Variants in EIF2B3 observed in about 807,000 individuals in gnomAD.
EIF2B3 encodes eukaryotic translation initiation factor 2B subunit gamma, also known as translation initiation factor eIF2B subunit gamma.
In EIF2B3, 20 loss-of-function variants were observed where a neutral mutation model predicts 54.1. That is an observed-to-expected ratio of 0.37 (90% CI 0.26 to 0.54). The LOEUF is 0.54. Ranked by LOEUF, EIF2B3 falls within the 20% of genes least tolerant of loss-of-function variation. The pLI, the probability that EIF2B3 is intolerant of heterozygous loss-of-function variation, is 0.86. For synonymous variants in EIF2B3, 153 were observed against 188.1 expected (o/e 0.81, Z 1.52); for missense variants, 448 against 547.8 (o/e 0.82, Z 1.82).
intron 10 of EIF2B3, among the ~76,000 whole-genome samples, chr1:44,867,143 A>T (rs1573688182): frequency 6.6e-6 from 1 of 152,034 alleles, no homozygotes; most frequent in Non-Finnish European, 1.5e-5. Flanking sequence ...CTAGGTGAGA[A>T]CCTGGCTTTC....
rs1370645199 is a variant in EIF2B3, at chr1:44,944,574, CTTGAGGCCAGGAGT to C, written c.295-2923_295-2910del. ...TCTGGAGGCTGAGGCAGGAGCATCA[CTTGAGGCCAGGAGT>C]TTGAGGCCAGCCTGAACAACACAGT... On this transcript the variant is annotated intron_variant, in intron 3 of 11. Coordinates refer to ENST00000360403, the MANE Select transcript of EIF2B3 (RefSeq NM_020365.5). Among the ~76,000 whole-genome samples the C allele has an allele frequency of 5.3e-5, 8 of 151,890 alleles. No individual in the cohort carries two copies. In the South Asian group the frequency reaches 1.7e-3, roughly 32 times the overall value.
chr1:44,854,589 C>CTT lies in EIF2B3; in HGVS notation c.1306+3113_1306+3114dup, dbSNP rs34735930. Among the ~76,000 whole-genome samples, 81 of 136,722 alleles carry CTT rather than the reference C, an allele frequency of 5.9e-4. 1 individual carries two copies. Among genetic ancestry groups the CTT allele is most frequent in the African/African-American group, 9.8e-4 (36 of 36,694 alleles). The allele number at this position is 136,722 out of a possible 152,430, so 89.7% of individuals were successfully genotyped here. A position where few individuals can be genotyped will look rare whatever the true frequency, so the allele number is the denominator to read the frequency against. Reference sequence around the variant, plus strand: ...ATTTGGAGAGGAGACTGCATTATGTCTTTTTTTTTTTTTTTGAGATGGAGT... The same window carrying CTT: ...ATTTGGAGAGGAGACTGCATTATGTCTTTTTTTTTTTTTTTTTGAGATGGAGT... On this transcript the variant is annotated intron_variant, in intron 11 of 11. Transcript: ENST00000360403.
rs1398196447 is a variant in EIF2B3 at position 44,872,599 on chromosome 1, A to G, written c.1202+2079T>C. 3.3e-5 allele frequency among the ~76,000 whole-genome samples: 5 copies of G among 152,078 alleles called. No individual in the cohort carries two copies. In the East Asian group the frequency reaches 9.7e-4, roughly 30 times the overall value. ...CAGGAGTTTGAGGTTGTAGTGAGCT[A>G]TGATCATGCCACTGTACTCCAGCCT... is the stretch of plus-strand genomic sequence containing the variant. On this transcript the variant is annotated intron_variant, in intron 10 of 11. Transcript: ENST00000360403.
At chr1:44,863,034 G>T (rs911431093) in intron 10 of EIF2B3, 1 of 152,326 alleles carries the variant, frequency 6.6e-6, no homozygotes, top group African/African-American at 2.4e-5. Flanking sequence ...ACTGTATCAC[G>T]GGCTCCTGCT....
At chr1:44,972,561 C>T (rs947181894) in intron 3 of EIF2B3, 1 of 150,070 alleles carries the variant, frequency 6.7e-6, no homozygotes, top group Non-Finnish European at 1.5e-5. Flanking sequence ...GAGATCACGC[C>T]ATTGCACTCC....
chr1:44,902,829 T>TAAAAAAAAAAAA (rs11458839), intron 5 of EIF2B3, among the ~76,000 whole-genome samples: 1 of 85,462 alleles, frequency 1.2e-5, no homozygotes, highest in Non-Finnish European at 2.3e-5. Context: ...ACTCTTTCTT[T>TAAAAAAAAAAAA]AAAAAAAAAA....
chr1:44,875,931 C>T (rs559697660), intron 8 of EIF2B3, among the ~76,000 whole-genome samples: 7 of 152,348 alleles, frequency 4.6e-5, no homozygotes, highest in East Asian at 3.9e-4. Flanking sequence ...ATTGCAGGCG[C>T]GCGCCGCCAC....
intron 3 of EIF2B3, among the ~76,000 whole-genome samples, chr1:44,947,912 G>T (rs1195375384): frequency 6.6e-6 from 1 of 151,548 alleles, no homozygotes; most frequent in Non-Finnish European, 1.5e-5. Context: ...TCCCTATATT[G>T]CCCAGGCTGG....
At chr1:44,981,744 T>C (rs1457111264) in intron 1 of EIF2B3, among the ~76,000 whole-genome samples, 1 of 152,006 alleles carries the variant, frequency 6.6e-6, no homozygotes, top group Non-Finnish European at 1.5e-5. Context: ...GAGACCAGCC[T>C]GGGCAACATG....
In EIF2B3 at chr1:44,880,014, G is replaced by A; in HGVS notation, c.785-6C>T. The A allele has an allele frequency of 1.9e-6, 3 of 1,613,950 alleles. No homozygotes were observed. Among genetic ancestry groups the A allele is most frequent in the Non-Finnish European group, 2.5e-6 (3 of 1,179,888 alleles). The stretch of plus-strand genomic sequence containing the variant: ...TTTTATAAAACTGTAGATATCTTCA[G>A]AACAAACACCCAACCAAGGAAATAA... On this transcript the variant is annotated splice_region_variant and splice_polypyrimidine_tract_variant and intron_variant, in intron 7 of 11. Coordinates refer to ENST00000360403, the MANE Select transcript of EIF2B3 (RefSeq NM_020365.5).
chr1:44,897,262 TG>T, intron 6 of EIF2B3, 92 bp downstream of exon 6: 1 of 897,168 alleles, frequency 1.1e-6, no homozygotes, highest in Non-Finnish European at 1.8e-6. Context: ...TTTTAGAAAC[TG>T]GTTATCTAAA....
chr1:44,936,300 C>T (rs1309668961), intron 4 of EIF2B3, among the ~76,000 whole-genome samples: 2 of 151,800 alleles, frequency 1.3e-5, no homozygotes, highest in East Asian at 3.9e-4. Flanking sequence ...TACATGTGGG[C>T]TGGGCGCAGT....
intron 9 of EIF2B3, among the ~76,000 whole-genome samples, 159 bp from the exon 10 acceptor site, chr1:44,874,985 C>G (rs1174097374): frequency 1.3e-5 from 2 of 152,240 alleles, no homozygotes. Context: ...GGTCATACAA[C>G]ACCTCTGAGA....
intron 10 of EIF2B3, among the ~76,000 whole-genome samples, chr1:44,873,481 T>C (rs930355233): frequency 6.6e-6 from 1 of 152,172 alleles, no homozygotes; most frequent in South Asian, 2.1e-4. Flanking sequence ...ATCCTTTCAA[T>C]AGAGTTATAG....
At chr1:44,934,329 C>A (rs1353447662) in intron 4 of EIF2B3, among the ~76,000 whole-genome samples, 1 of 151,488 alleles carries the variant, frequency 6.6e-6, no homozygotes, top group African/African-American at 2.4e-5. Flanking sequence ...ACTCGGAGGG[C>A]AGAGGTTGCA....
intron 4 of EIF2B3, among the ~76,000 whole-genome samples, chr1:44,932,709 T>G (rs1643908247): frequency 6.6e-6 from 1 of 151,982 alleles, no homozygotes; most frequent in African/African-American, 2.4e-5. Context: ...GATGTTGGAC[T>G]TCTTAAAAGA....
At chr1:44,960,500 G>A (rs1237634876) in intron 3 of EIF2B3, among the ~76,000 whole-genome samples, 2 of 152,002 alleles carry the variant, frequency 1.3e-5, no homozygotes, top group Non-Finnish European at 2.9e-5. Flanking sequence ...TTAGCCAGGC[G>A]AGGTGGCGGG....
Position 44,978,474 on chromosome 1 carries a change from GA to G in EIF2B3, c.149-15del. On this transcript the variant is annotated splice_polypyrimidine_tract_variant and intron_variant, in intron 2 of 11. Transcript: ENST00000360403. ...CCACAATGACTTCTATAGGACAAAA[GA>G]AAAAAAGAAAGAAAAACAAAAACTT... 6.2e-7 allele frequency: 1 copy of G among 1,607,762 alleles called. No individual in the cohort carries two copies. The highest frequency in any genetic ancestry group is 8.5e-7 in the Non-Finnish European group (1 of 1,178,962).
chr1:44,979,736 G>GGCAGATCACTT (rs1644494467), intron 2 of EIF2B3, among the ~76,000 whole-genome samples: 1 of 152,014 alleles, frequency 6.6e-6, no homozygotes, highest in Non-Finnish European at 1.5e-5. Flanking sequence ...GGCCGAGACA[G>GGCAGATCACTT]GCAGATCACT....
Sources: gnomAD v4.1 joint callset for allele counts (sites outside exome capture counted in the v4.1 genomes callset) on GRCh38, gnomAD v4.1.1 for gene constraint, MANE v1.5 for transcripts, NCBI Gene and HGNC (gene_info 2026-07-23, HGNC 2026-07-21) for gene names.